The following ADAMTSL1 variants were observed in gnomAD, a reference collection of about 807,000 sequenced individuals.
ADAMTSL1 encodes the protein ADAMTS-like protein 1.
ADAMTSL1 carries 126 observed loss-of-function variants against 201.8 expected under a neutral mutation model. The observed-to-expected ratio is 0.62, with a 90% CI of 0.54 to 0.72. The LOEUF (loss-of-function observed/expected upper bound fraction) is 0.72, where lower values mean the gene tolerates loss of function less well. Among genes scored for constraint, ADAMTSL1 ranks in the 30% least tolerant of loss-of-function variants. The pLI, the probability that ADAMTSL1 is intolerant of heterozygous loss-of-function variation, is 0.00. For missense variants in ADAMTSL1, 2,679 were observed against 2,277.8 expected, an observed-to-expected ratio of 1.18 and a Z score of -3.59; for synonymous variants, 1,121 against 903.4, an observed-to-expected ratio of 1.24 and a Z score of -4.32.
At chr9:18,768,048 T>A (rs913665744) in intron 16 of ADAMTSL1, among the ~76,000 whole-genome samples, 4 of 152,232 alleles carry the variant, frequency 2.6e-5, no homozygotes, top group Non-Finnish European at 4.4e-5. Flanking sequence ...CTCCTTAAAT[T>A]TTCCAGGGTC....
chr9:18,784,768 A>G (rs1821601946), intron 19 of ADAMTSL1, among the ~76,000 whole-genome samples: 1 of 152,210 alleles, frequency 6.6e-6, no homozygotes, highest in African/African-American at 2.4e-5. Context: ...GTGTTCATTT[A>G]TCCTCACAAT....
chr9:18,447,385 C>T (rs964129308), intron 2 of ADAMTSL1, among the ~76,000 whole-genome samples: 2 of 152,080 alleles, frequency 1.3e-5, no homozygotes, highest in African/African-American at 2.4e-5. Flanking sequence ...GGAAAGTGTT[C>T]AGTGCCGGTA....
intron 3 of ADAMTSL1, among the ~76,000 whole-genome samples, chr9:18,568,726 A>ATTTTT (rs57985853): frequency 2.1e-5 from 3 of 143,856 alleles, no homozygotes; most frequent in Admixed American, 7.0e-5. Context: ...AGAAGCATGG[A>ATTTTT]TTTTTTTTTT....
chr9:18,639,554 T>A (rs912582846), intron 7 of ADAMTSL1, 143 bp downstream of exon 7: 10 of 896,890 alleles, frequency 1.1e-5, no homozygotes, highest in Non-Finnish European at 1.7e-5. Context: ...TCTGAGGGTG[T>A]TGAGCTAGCT....
chr9:18,304,823 A>C (rs1753489024), intron 2 of ADAMTSL1, among the ~76,000 whole-genome samples: 1 of 152,168 alleles, frequency 6.6e-6, no homozygotes, highest in African/African-American at 2.4e-5. Context: ...AAATTAGGAA[A>C]GTTTTTACTA....
At chr9:18,283,754 T>C (rs1202699099) in intron 2 of ADAMTSL1, among the ~76,000 whole-genome samples, 2 of 141,248 alleles carry the variant, frequency 1.4e-5, no homozygotes, top group Admixed American at 7.2e-5. Flanking sequence ...CTACTAAAAA[T>C]ACAAAAAATT....
intron 2 of ADAMTSL1, among the ~76,000 whole-genome samples, chr9:18,315,297 G>C (rs1169047272): frequency 2.0e-5 from 3 of 152,184 alleles, no homozygotes; most frequent in Admixed American, 2.0e-4. Context: ...ACCTGACTCA[G>C]GAGCCCAGCT....
chr9:18,708,899 T>A (rs1044376515), intron 14 of ADAMTSL1, among the ~76,000 whole-genome samples: 1 of 152,228 alleles, frequency 6.6e-6, no homozygotes, highest in African/African-American at 2.4e-5. Context: ...GGTATAAAAT[T>A]TGAAGTGTCG....
At chr9:18,300,860 AG>A (rs1388322306) in intron 2 of ADAMTSL1, among the ~76,000 whole-genome samples, 27 of 152,328 alleles carry the variant, frequency 1.8e-4, no homozygotes, top group Non-Finnish European at 4.4e-5. Flanking sequence ...TTTACAAAAA[AG>A]TTATATATTA....
chr9:18,212,336 G>C (rs542396473), intron 2 of ADAMTSL1, among the ~76,000 whole-genome samples: 1 of 152,272 alleles, frequency 6.6e-6, no homozygotes, highest in South Asian at 2.1e-4. Context: ...TGTTTCTTGT[G>C]TGACATGACA....
At chr9:18,596,192 C>G (rs759107503) in intron 4 of ADAMTSL1, among the ~76,000 whole-genome samples, 8 of 152,172 alleles carry the variant, frequency 5.3e-5, no homozygotes, top group Non-Finnish European at 1.0e-4. Flanking sequence ...CCGTGTGGGT[C>G]TGAATTAGGT....
chr9:18,240,278 C>T (rs76149299), intron 2 of ADAMTSL1, among the ~76,000 whole-genome samples: 9,203 of 152,084 alleles, frequency 0.061, 392 homozygotes, highest in Middle Eastern at 0.18. Context: ...CTCCTTACAT[C>T]TCTATCAGAA....
intron 2 of ADAMTSL1, among the ~76,000 whole-genome samples, chr9:18,200,154 C>T (rs943348705): frequency 7.2e-5 from 11 of 151,948 alleles, no homozygotes; most frequent in African/African-American, 1.4e-4. Flanking sequence ...ATGAATTTGG[C>T]TAGGCACAGT....
chr9:18,869,602 A>G (rs568300503), intron 23 of ADAMTSL1, among the ~76,000 whole-genome samples: 2 of 152,336 alleles, frequency 1.3e-5, no homozygotes, highest in East Asian at 3.9e-4. Context: ...TTCCGGGTTC[A>G]CCAGTTTATG....
chr9:18,179,287 T>C (rs1480036065), intron 2 of ADAMTSL1, among the ~76,000 whole-genome samples: 1 of 151,770 alleles, frequency 6.6e-6, no homozygotes, highest in Non-Finnish European at 1.5e-5. Flanking sequence ...CGATGGAAGA[T>C]GAAATGAATG....
chr9:18,325,347 A>G, intron 2 of ADAMTSL1, among the ~76,000 whole-genome samples: 1 of 152,240 alleles, frequency 6.6e-6, no homozygotes, highest in East Asian at 1.9e-4. Context: ...CCAAAAGTCC[A>G]TCAACAATAG....
At chr9:18,488,132 C>G (rs1450068596) in intron 1 of ADAMTSL1, among the ~76,000 whole-genome samples, 2 of 152,114 alleles carry the variant, frequency 1.3e-5, no homozygotes, top group Non-Finnish European at 2.9e-5. Context: ...ATTATGGAAC[C>G]CTCTCATTCC....
intron 2 of ADAMTSL1, among the ~76,000 whole-genome samples, chr9:18,507,379 T>A (rs1282810466): frequency 2.0e-5 from 3 of 152,154 alleles, no homozygotes; most frequent in Non-Finnish European, 4.4e-5. Flanking sequence ...TTGTAGAAAA[T>A]CTGCATCTCC....
At chr9:18,882,790 TC>T (rs2131515224) in intron 23 of ADAMTSL1, among the ~76,000 whole-genome samples, 1 of 152,062 alleles carries the variant, frequency 6.6e-6, no homozygotes, top group South Asian at 2.1e-4. Flanking sequence ...GGCCAGGAGT[TC>T]AAGACCAGCC....
Sources: allele counts gnomAD v4.1 joint callset (sites outside exome capture counted in the v4.1 genomes callset), GRCh38; gene constraint gnomAD v4.1.1; transcripts MANE v1.5; gene names NCBI Gene and HGNC (gene_info 2026-07-23, HGNC 2026-07-21).